NCKAP5L: variants seen among roughly 807,000 people sequenced by gnomAD.
NCKAP5L encodes the protein NCK associated protein 5 like.
Under a neutral mutation model 103.2 loss-of-function variants are expected in NCKAP5L, and 54 were observed. That is an observed-to-expected ratio of 0.52 (90% CI 0.42 to 0.66). NCKAP5L has a LOEUF of 0.66. Ranked by LOEUF, NCKAP5L falls within the 30% of genes least tolerant of loss-of-function variation. The pLI, the probability that NCKAP5L is intolerant of heterozygous loss-of-function variation, is 0.00. For missense variants in NCKAP5L, 1,733 were observed against 1,750.6 expected, an observed-to-expected ratio of 0.99 and a Z score of 0.18; for synonymous variants, 762 against 748.6, an observed-to-expected ratio of 1.02 and a Z score of -0.29.
chr12:49,821,976 A>T (rs1349453946), intron 1 of NCKAP5L, among the ~76,000 whole-genome samples: 1 of 152,150 alleles, frequency 6.6e-6, no homozygotes, highest in East Asian at 1.9e-4. Flanking sequence ...ATCCCCCCAA[A>T]TCCACATGTT....
At position 49,796,036 on chromosome 12, in the gene NCKAP5L, G is replaced by A. The variant is rs771114593; in HGVS notation, c.1824C>T (p.Cys608=). The part of the protein sequence containing the change: ...LRSPGVPPSP[C]LPESYPYGSP... ...TCCCATAGGGGTACGATTCTGGGAGGCAAGGACTGGGGGGTACTCCAGGGC... is the reference window on the plus strand; with the variant it reads ...TCCCATAGGGGTACGATTCTGGGAGACAAGGACTGGGGGGTACTCCAGGGC... Residue 608 remains cysteine, a synonymous_variant, in exon 8 of 13, where the codon TGC becomes TGT. Coordinates refer to ENST00000335999, the MANE Select transcript of NCKAP5L (RefSeq NM_001037806.4). 6.4e-6 allele frequency: 10 copies of A among 1,558,244 alleles called. No homozygotes were observed. The Admixed American group carries it at 1.0e-4, about 16-fold the overall frequency.
chr12:49,795,593 G>A lies in NCKAP5L; in HGVS notation c.2267C>T (p.Ser756Phe). ...CTCCAGGTCCACCCGGGCCCCCATG[G>A]AGTGAGAGGAGTAGACTCGGGCCCC... ...DPGARVYSSHSMGARVDLEPV... is the reference protein window; with the variant it reads ...DPGARVYSSHFMGARVDLEPV... The change falls in exon 8 of 13, where the codon TCC becomes TTC. Residue 756 changes from serine (S) to phenylalanine (F), a missense_variant. Coordinates refer to ENST00000335999, the MANE Select transcript of NCKAP5L (RefSeq NM_001037806.4). 6.3e-7 allele frequency: 1 copy of A among 1,575,262 alleles called. No individual in the cohort carries two copies. Among genetic ancestry groups the A allele is most frequent in the East Asian group, 2.2e-5 (1 of 44,640 alleles).
intron 3 of NCKAP5L, among the ~76,000 whole-genome samples, chr12:49,803,535 G>T (rs1297461355): frequency 6.6e-6 from 1 of 152,086 alleles, no homozygotes; most frequent in African/African-American, 2.4e-5. Context: ...GGTGAGGGGT[G>T]TGGTCTGAGG....
At chr12:49,798,195 G>A (rs1362815357) in intron 7 of NCKAP5L, among the ~76,000 whole-genome samples, 155 bp downstream of exon 7, 1 of 152,188 alleles carries the variant, frequency 6.6e-6, no homozygotes, top group African/African-American at 2.4e-5. Flanking sequence ...TTGCTCACAG[G>A]GCCAGTGGCT....
intron 10 of NCKAP5L, 57 bp from the exon 11 acceptor site, chr12:49,793,043 C>T: frequency 1.5e-6 from 2 of 1,324,328 alleles, no homozygotes; most frequent in East Asian, 2.4e-5. Flanking sequence ...AGTCCCCGGC[C>T]TGCCTCCACT....
At position 49,791,905 on chromosome 12, in the gene NCKAP5L, C is replaced by T; in HGVS notation, c.3939G>A (p.Leu1313=). The T allele has an allele frequency of 6.2e-7, 1 of 1,612,414 alleles. No homozygotes were observed. The highest frequency in any genetic ancestry group is 8.5e-7 in the Non-Finnish European group (1 of 1,179,524). Reference sequence around the variant, plus strand: ...AGTCACTGAGAGACTCCGAGGTCTCCAGCCCTGGGGGGCCCCCGCTGGCCA... The same window carrying T: ...AGTCACTGAGAGACTCCGAGGTCTCTAGCCCTGGGGGGCCCCCGCTGGCCA... ...GRVASGGPPG[L]ETSESLSDSL... Residue 1313 remains leucine (L), a synonymous_variant, in exon 13 of 13, where the codon CTG becomes CTA. Transcript: ENST00000335999.
At chr12:49,819,757 A>G (rs530219625) in intron 1 of NCKAP5L, among the ~76,000 whole-genome samples, 1 of 152,350 alleles carries the variant, frequency 6.6e-6, no homozygotes, top group South Asian at 2.1e-4. Context: ...GTTCCATAAG[A>G]GGAGTCTTTT....
intron 1 of NCKAP5L, among the ~76,000 whole-genome samples, chr12:49,825,542 G>A (rs1946406953): frequency 6.6e-6 from 1 of 152,082 alleles, no homozygotes; most frequent in East Asian, 1.9e-4. Context: ...ACCCCAAGAG[G>A]GAACAGCAGC....
intron 1 of NCKAP5L, among the ~76,000 whole-genome samples, chr12:49,824,733 C>A (rs1190631701): frequency 6.6e-6 from 1 of 152,246 alleles, no homozygotes. Flanking sequence ...CCGGGACAGA[C>A]AAAATCTAAG....
At position 49,791,824 on chromosome 12, in the gene NCKAP5L, G is replaced by A; in HGVS notation, c.*15C>T. The A allele has an allele frequency of 6.4e-7, 1 of 1,566,190 alleles. No individual in the cohort carries two copies. Among genetic ancestry groups the A allele is most frequent in the Non-Finnish European group, 8.7e-7 (1 of 1,153,448 alleles). ...GGTCCCCAGCTCCAGCGGGGCCGTG[G>A]CGTGGCGCAGCCCCTCAGCCCTGAC... is the stretch of plus-strand genomic sequence containing the variant. On this transcript the variant is annotated 3_prime_UTR_variant, in exon 13 of 13. Transcript: ENST00000335999.
chr12:49,826,199 A>G (rs768358412), intron 1 of NCKAP5L, among the ~76,000 whole-genome samples: 12 of 152,096 alleles, frequency 7.9e-5, no homozygotes, highest in African/African-American at 1.4e-4. Context: ...CCCTCCTCCT[A>G]TAAGAGGGCG....
rs144756573 is a variant in NCKAP5L, at chr12:49,804,149, G to A, written c.-36-69C>T. On this transcript the variant is annotated intron_variant, in intron 2 of 12. Coordinates refer to ENST00000335999, the MANE Select transcript of NCKAP5L (RefSeq NM_001037806.4). ...GATGAAACCCTTTAGTCTCCTTGGA[G>A]CTTAGGTCAGTGTGACCTATATGCA... The A allele has an allele frequency of 7.5e-5, 110 of 1,474,274 alleles. No homozygotes were observed. In the African/African-American group the frequency reaches 1.4e-3, roughly 19 times the overall value. 91.3% of individuals were successfully genotyped at this position (1,474,274 alleles called of 1,614,324 possible). A position where few individuals can be genotyped will look rare whatever the true frequency, so the allele number is the denominator to read the frequency against.
chr12:49,818,672 T>TA (rs1343203438), intron 1 of NCKAP5L, among the ~76,000 whole-genome samples: 3 of 152,086 alleles, frequency 2.0e-5, no homozygotes, highest in African/African-American at 7.3e-5. Context: ...TGACATTTCT[T>TA]AAAAGACAGA....
chr12:49,805,747 C>T (rs1001808609), intron 2 of NCKAP5L: 1 of 152,286 alleles, frequency 6.6e-6, no homozygotes, highest in Non-Finnish European at 1.5e-5. Flanking sequence ...CCCTTGAGCC[C>T]TAGAGTTCGA....
intron 5 of NCKAP5L, chr12:49,802,272 C>T (rs1038915319): frequency 5.3e-5 from 13 of 244,020 alleles, no homozygotes; most frequent in Admixed American, 1.6e-4. Flanking sequence ...TTTTTTGAGA[C>T]GGAGTCTCAC....
At position 49,795,098 on chromosome 12, in the gene NCKAP5L, A is replaced by AT. The variant is rs750550970; in HGVS notation, c.2761_2762insA (p.Phe921TyrfsTer4). 6.2e-7 allele frequency: 1 copy of AT among 1,613,118 alleles called. No individual in the cohort carries two copies. Among genetic ancestry groups the AT allele is most frequent in the Non-Finnish European group, 8.5e-7 (1 of 1,179,696 alleles). On this transcript the variant is annotated frameshift_variant, in exon 8 of 13. Coordinates refer to ENST00000335999, the MANE Select transcript of NCKAP5L (RefSeq NM_001037806.4). LOFTEE classifies it high-confidence loss of function. Reference sequence around the variant, plus strand: ...TGGCAGCTTGCTCTTCTTAAGGCCGAACCAGCTGGCGATGCTGCTGGTGTT... The same window carrying AT: ...TGGCAGCTTGCTCTTCTTAAGGCCGATACCAGCTGGCGATGCTGCTGGTGTT...
At chr12:49,807,223 A>C (rs753725578) in intron 1 of NCKAP5L, among the ~76,000 whole-genome samples, 1 of 151,422 alleles carries the variant, frequency 6.6e-6, no homozygotes, top group Non-Finnish European at 1.5e-5. Flanking sequence ...CTGGGATTAC[A>C]GTGAAAAGAG....
chr12:49,809,989 T>A (rs2137024225), intron 1 of NCKAP5L, among the ~76,000 whole-genome samples: 1 of 152,112 alleles, frequency 6.6e-6, no homozygotes, highest in Admixed American at 6.5e-5. Context: ...TCAACCACCA[T>A]GGTGTGAGTT....
At position 49,810,028 on chromosome 12, in the gene NCKAP5L, C is replaced by T. The variant is rs188508371; in HGVS notation, c.-98-3987G>A. Among the ~76,000 whole-genome samples the T allele has an allele frequency of 1.7e-3, 266 of 152,184 alleles. 1 individual carries two copies. The highest frequency in any genetic ancestry group is 0.014 in the Middle Eastern group (4 of 294). ...CCAAACCAGCTGCAGGATAGGTCCT[C>T]GGCCCTTCCAGGAAGGGAAGAAGGA... On this transcript the variant is annotated intron_variant, in intron 1 of 12. Transcript: ENST00000335999.
Sources: gnomAD v4.1 joint callset for allele counts (sites outside exome capture counted in the v4.1 genomes callset) on GRCh38, gnomAD v4.1.1 for gene constraint, MANE v1.5 for transcripts, NCBI Gene and HGNC (gene_info 2026-07-23, HGNC 2026-07-21) for gene names.